The following MBD2 variants were observed in gnomAD, a reference collection of about 807,000 sequenced individuals.
MBD2 encodes methyl-CpG binding domain protein 2.
Under a neutral mutation model 39.3 loss-of-function variants are expected in MBD2, and 9 were observed. The observed-to-expected ratio is 0.23, with a 90% CI of 0.14 to 0.40. MBD2 has a LOEUF of 0.40. Ranked by LOEUF, MBD2 falls within the 10% of genes least tolerant of loss-of-function variation. The pLI is 1.00. For missense variants in MBD2, 458 were observed against 532.6 expected, an observed-to-expected ratio of 0.86 and a Z score of 1.38; for synonymous variants, 233 against 211.1, an observed-to-expected ratio of 1.10 and a Z score of -0.90.
At chr18:54,223,994 C>A in intron 1 of MBD2, 24 bp downstream of exon 1, 1 of 1,560,508 alleles carries the variant, frequency 6.4e-7, no homozygotes, top group Non-Finnish European at 8.8e-7. Flanking sequence ...CCCCGCCACC[C>A]CCTCCCCGCC....
At chr18:54,166,016 G>GA in intron 4 of MBD2, 60 bp downstream of exon 4, 1 of 1,150,594 alleles carries the variant, frequency 8.7e-7, no homozygotes, top group Non-Finnish European at 1.3e-6. Flanking sequence ...GCATCTAACA[G>GA]AGTGCCTGGC....
At chr18:54,201,377 T>C (rs1019664769) in intron 2 of MBD2, among the ~76,000 whole-genome samples, 4 of 152,200 alleles carry the variant, frequency 2.6e-5, no homozygotes, top group Non-Finnish European at 5.9e-5. Flanking sequence ...GAAATAATTA[T>C]GGCAGTCAAG....
intron 1 of MBD2, among the ~76,000 whole-genome samples, chr18:54,212,844 A>T (rs1320897937): frequency 7.5e-6 from 1 of 133,436 alleles, no homozygotes; most frequent in East Asian, 2.3e-4. Flanking sequence ...GCCTGGGCAA[A>T]AAAGGCGAAA....
intron 1 of MBD2, among the ~76,000 whole-genome samples, chr18:54,220,854 G>A (rs1352365296): frequency 1.3e-5 from 2 of 152,134 alleles, no homozygotes; most frequent in African/African-American, 2.4e-5. Flanking sequence ...ATCATATTAC[G>A]CTACATACAC....
At chr18:54,167,373 G>A (rs1985129565) in intron 3 of MBD2, among the ~76,000 whole-genome samples, 1 of 152,158 alleles carries the variant, frequency 6.6e-6, no homozygotes, top group Non-Finnish European at 1.5e-5. Flanking sequence ...CCTTGGACAA[G>A]GTCTATAACC....
chr18:54,218,063 T>G (rs2086576310), intron 1 of MBD2, among the ~76,000 whole-genome samples: 1 of 152,254 alleles, frequency 6.6e-6, no homozygotes, highest in South Asian at 2.1e-4. Flanking sequence ...CTTTCTATTA[T>G]GCAATTAAGC....
chr18:54,164,146 A>C (rs961604344), intron 5 of MBD2, among the ~76,000 whole-genome samples: 1 of 152,190 alleles, frequency 6.6e-6, no homozygotes, highest in African/African-American at 2.4e-5. Flanking sequence ...TCGGCCTCCC[A>C]AAGTGCTGGG....
intron 5 of MBD2, among the ~76,000 whole-genome samples, chr18:54,161,337 T>C (rs1447733332): frequency 6.6e-6 from 1 of 152,260 alleles, no homozygotes; most frequent in Non-Finnish European, 1.5e-5. Flanking sequence ...GGGTCAGTCT[T>C]AGCTCTATAG....
chr18:54,215,517 T>C (rs1292537706), intron 1 of MBD2, among the ~76,000 whole-genome samples: 1 of 144,276 alleles, frequency 6.9e-6, no homozygotes, highest in African/African-American at 2.7e-5. Flanking sequence ...TTGAGATGGA[T>C]CTCCCTCTGC....
intron 2 of MBD2, among the ~76,000 whole-genome samples, chr18:54,193,519 G>A (rs997724667): frequency 6.6e-6 from 1 of 152,028 alleles, no homozygotes. Context: ...GTTGCAGGGA[G>A]GAACATAAAA....
At chr18:54,200,641 A>C (rs891043031) in intron 2 of MBD2, among the ~76,000 whole-genome samples, 1 of 152,182 alleles carries the variant, frequency 6.6e-6, no homozygotes, top group Non-Finnish European at 1.5e-5. Context: ...ATAAATCCCT[A>C]AACAATATTT....
intron 3 of MBD2, among the ~76,000 whole-genome samples, chr18:54,185,408 C>A (rs539598824): frequency 6.6e-6 from 1 of 152,162 alleles, no homozygotes; most frequent in African/African-American, 2.4e-5. Flanking sequence ...AGCCTTTTAG[C>A]CCTCTATAAT....
chr18:54,193,563 C>T (rs1451942788), intron 2 of MBD2, among the ~76,000 whole-genome samples: 1 of 152,074 alleles, frequency 6.6e-6, no homozygotes, highest in Non-Finnish European at 1.5e-5. Context: ...ATTTTACTTC[C>T]TCTCTTTCCA....
intron 3 of MBD2, among the ~76,000 whole-genome samples, chr18:54,173,076 T>C (rs1175299119): frequency 1.3e-5 from 2 of 152,188 alleles, no homozygotes; most frequent in Non-Finnish European, 2.9e-5. Flanking sequence ...TTCTGAAAGG[T>C]AAGTATTAGC....
intron 2 of MBD2, among the ~76,000 whole-genome samples, chr18:54,190,726 G>A (rs956684564): frequency 3.3e-5 from 5 of 152,106 alleles, no homozygotes; most frequent in African/African-American, 1.2e-4. Flanking sequence ...TACATCATAT[G>A]GCTAAAAGTC....
chr18:54,166,922 C>A (rs539852172), intron 3 of MBD2, among the ~76,000 whole-genome samples: 26 of 152,286 alleles, frequency 1.7e-4, no homozygotes, highest in African/African-American at 6.0e-4. Context: ...ATATTTGATT[C>A]TCTCTCCTAG....
In MBD2 at chr18:54,154,454, C is replaced by T. The variant is rs1216555733; in HGVS notation, c.*870G>A. 1 of 152,096 alleles carries T rather than the reference C, an allele frequency of 6.6e-6. No individual in the cohort carries two copies. The allele number at this position is 152,096 out of a possible 1,614,324, so 9.4% of individuals were successfully genotyped here. ...CCTGATAACTCAGTAAGCTAGTGGACGTTAGAGAGTGCCAAACATTCTTTA... is the reference window on the plus strand; with the variant it reads ...CCTGATAACTCAGTAAGCTAGTGGATGTTAGAGAGTGCCAAACATTCTTTA... On this transcript the variant is annotated 3_prime_UTR_variant, in exon 7 of 7. Coordinates refer to ENST00000256429, the MANE Select transcript of MBD2 (RefSeq NM_003927.5).
intron 1 of MBD2, among the ~76,000 whole-genome samples, chr18:54,215,549 C>T (rs914848097): frequency 2.1e-5 from 3 of 145,298 alleles, no homozygotes; most frequent in Non-Finnish European, 3.0e-5. Context: ...AGTGCAGTGG[C>T]GCGATCTCAG....
At chr18:54,205,957 T>TACAGACACACACACACACACACACAC (rs2086446724) in intron 1 of MBD2, among the ~76,000 whole-genome samples, 1 of 145,864 alleles carries the variant, frequency 6.9e-6, no homozygotes, top group Non-Finnish European at 1.5e-5. Flanking sequence ...AACACACACA[T>TACAGACACACACACACACACACACAC]ACACACACAC....
Sources: gnomAD v4.1 joint callset for allele counts (sites outside exome capture counted in the v4.1 genomes callset) on GRCh38, gnomAD v4.1.1 for gene constraint, MANE v1.5 for transcripts, NCBI Gene and HGNC (gene_info 2026-07-23, HGNC 2026-07-21) for gene names.